Variants in COX16 observed in about 807,000 individuals in gnomAD.
The protein encoded by COX16 is cytochrome c oxidase assembly factor COX16, also known as cytochrome c oxidase assembly protein COX16 homolog, mitochondrial.
A neutral mutation model predicts 15.4 loss-of-function variants in COX16; 12 were observed. The observed-to-expected ratio is 0.78, with a 90% CI of 0.50 to 1.26. The LOEUF is 1.26. COX16 is among the 50% of genes most tolerant of loss of function. The probability of loss-of-function intolerance (pLI) is 0.00; values close to 1 mark genes in which losing one functional copy is unlikely to be tolerated. For missense variants in COX16, 124 were observed against 127.6 expected (o/e 0.97, Z 0.14); for synonymous variants, 46 against 41.1 (o/e 1.12, Z -0.46).
intron 2 of COX16, among the ~76,000 whole-genome samples, chr14:70,334,129 A>G (rs1479968768): frequency 1.3e-5 from 2 of 152,234 alleles, no homozygotes; most frequent in Admixed American, 6.5e-5. Context: ...ATGATATACT[A>G]ATACTGCAAT....
chr14:70,359,458 C>G, intron 1 of COX16, 61 bp downstream of exon 1: 1 of 1,459,226 alleles, frequency 6.9e-7, no homozygotes, highest in African/African-American at 1.4e-5. Context: ...CCTCCCAGGT[C>G]TTGATCCTGC....
At chr14:70,358,245 A>G (rs1451407059) in intron 1 of COX16, among the ~76,000 whole-genome samples, 3 of 152,078 alleles carry the variant, frequency 2.0e-5, no homozygotes, top group Non-Finnish European at 4.4e-5. Flanking sequence ...AGTGACTACT[A>G]TTAGTTATGA....
At chr14:70,340,995 T>C (rs2140715609) in intron 2 of COX16, among the ~76,000 whole-genome samples, 1 of 152,302 alleles carries the variant, frequency 6.6e-6, no homozygotes, top group Non-Finnish European at 1.5e-5. Flanking sequence ...ATTATAAACT[T>C]TATAAGTACT....
chr14:70,328,072 A>ATTGTTTTTT (rs1886142861), intron 3 of COX16: 1 of 80,840 alleles, frequency 1.2e-5, no homozygotes, highest in South Asian at 6.9e-4. Flanking sequence ...TGAGAATAAG[A>ATTGTTTTTT]TTTTTTTTTT....
At chr14:70,336,267 A>G (rs1457673682) in intron 2 of COX16, among the ~76,000 whole-genome samples, 1 of 43,634 alleles carries the variant, frequency 2.3e-5, no homozygotes, top group East Asian at 4.0e-4. Context: ...AAAAAACAAA[A>G]AACAAAAACA....
chr14:70,340,785 T>C (rs1886602055), intron 2 of COX16, among the ~76,000 whole-genome samples: 1 of 152,186 alleles, frequency 6.6e-6, no homozygotes, highest in South Asian at 2.1e-4. Context: ...AGAATATAAG[T>C]CATTTCTATC....
intron 1 of COX16, among the ~76,000 whole-genome samples, chr14:70,351,625 CT>C (rs1300553152): frequency 6.6e-6 from 1 of 151,906 alleles, no homozygotes; most frequent in Non-Finnish European, 1.5e-5. Flanking sequence ...TTTGGTGTAA[CT>C]TTTTTTAGTG....
intron 1 of COX16, among the ~76,000 whole-genome samples, chr14:70,348,382 GCT>G (rs753690333): frequency 1.3e-5 from 2 of 152,250 alleles, no homozygotes; most frequent in African/African-American, 2.4e-5. Flanking sequence ...ACCCTGCCAT[GCT>G]CTTTCCTGAA....
intron 2 of COX16, among the ~76,000 whole-genome samples, 186 bp downstream of exon 2, chr14:70,342,472 T>A (rs1566601811): frequency 6.6e-6 from 1 of 152,042 alleles, no homozygotes; most frequent in Non-Finnish European, 1.5e-5. Flanking sequence ...ATTACGAAAT[T>A]AGTTACATTT....
intron 2 of COX16, among the ~76,000 whole-genome samples, chr14:70,334,905 A>G (rs1037368854): frequency 6.6e-6 from 1 of 152,008 alleles, no homozygotes; most frequent in Admixed American, 6.5e-5. Context: ...TAGAAAACAG[A>G]GTGGCTCACT....
intron 3 of COX16, among the ~76,000 whole-genome samples, chr14:70,326,696 A>C (rs1886089500): frequency 6.6e-6 from 1 of 152,218 alleles, no homozygotes; most frequent in African/African-American, 2.4e-5. Flanking sequence ...AAATAGAGAA[A>C]GAGTCTACAT....
At chr14:70,347,141 G>A (rs1049479110) in intron 1 of COX16, among the ~76,000 whole-genome samples, 7 of 151,874 alleles carry the variant, frequency 4.6e-5, no homozygotes, top group African/African-American at 1.7e-4. Flanking sequence ...CATCCCCCAA[G>A]CAGCTCTCAT....
chr14:70,326,513 C>T (rs1287184950), intron 3 of COX16, 64 bp from the exon 4 acceptor site: 3 of 1,298,450 alleles, frequency 2.3e-6, no homozygotes, highest in South Asian at 1.8e-5. Context: ...TTGATTAGGA[C>T]ACAACTAACT....
chr14:70,349,867 C>T (rs1368062193), intron 1 of COX16, among the ~76,000 whole-genome samples: 5 of 152,162 alleles, frequency 3.3e-5, no homozygotes, highest in African/African-American at 1.2e-4. Context: ...CTGTCCACAC[C>T]GCCTTGTCCT....
intron 2 of COX16, among the ~76,000 whole-genome samples, chr14:70,335,196 A>G (rs1886413265): frequency 6.6e-6 from 1 of 152,240 alleles, no homozygotes; most frequent in East Asian, 1.9e-4. Flanking sequence ...GCACCCAGAT[A>G]TACAAAGCAA....
intron 2 of COX16, among the ~76,000 whole-genome samples, chr14:70,341,241 T>C (rs1307959742): frequency 1.3e-5 from 2 of 152,194 alleles, no homozygotes; most frequent in African/African-American, 4.8e-5. Context: ...AATTCCTCAT[T>C]AAATAAAATT....
chr14:70,329,768 A>G (rs541856687), intron 2 of COX16, among the ~76,000 whole-genome samples: 19 of 151,606 alleles, frequency 1.3e-4, no homozygotes, highest in Non-Finnish European at 2.2e-4. Context: ...AGCTAATGCT[A>G]TATTAACTGT....
intron 1 of COX16, among the ~76,000 whole-genome samples, chr14:70,349,603 A>C (rs1363240197): frequency 6.6e-6 from 1 of 152,132 alleles, no homozygotes; most frequent in African/African-American, 2.4e-5. Flanking sequence ...TCTGTCCTTA[A>C]AGCCCAACTC....
At chr14:70,353,497 G>A (rs1887032474) in intron 1 of COX16, among the ~76,000 whole-genome samples, 1 of 150,120 alleles carries the variant, frequency 6.7e-6, no homozygotes, top group African/African-American at 2.4e-5. Context: ...CATAGAGATA[G>A]ATAGATAGAT....
Sources: allele counts gnomAD v4.1 joint callset (sites outside exome capture counted in the v4.1 genomes callset), GRCh38; gene constraint gnomAD v4.1.1; transcripts MANE v1.5; gene names NCBI Gene and HGNC (gene_info 2026-07-23, HGNC 2026-07-21).